Variants in STAB1 observed in about 807,000 individuals in gnomAD.
The protein encoded by STAB1 is stabilin-1.
A neutral mutation model predicts 332.4 loss-of-function variants in STAB1; 250 were observed. The observed-to-expected ratio is 0.75, with a 90% CI of 0.68 to 0.84. The LOEUF is 0.84. Among genes scored for constraint, STAB1 ranks in the 40% least tolerant of loss-of-function variants. The probability of loss-of-function intolerance (pLI) is 0.00; values close to 1 mark genes in which losing one functional copy is unlikely to be tolerated. For missense variants in STAB1, 3,249 were observed against 3,489.7 expected, an observed-to-expected ratio of 0.93 and a Z score of 1.74; for synonymous variants, 1,475 against 1,390.4, an observed-to-expected ratio of 1.06 and a Z score of -1.35.
intron 29 of STAB1, 37 bp downstream of exon 29, chr3:52,512,995 C>T: frequency 6.3e-7 from 1 of 1,598,442 alleles, no homozygotes; most frequent in Non-Finnish European, 8.5e-7. Flanking sequence ...GAGGGGCTTC[C>T]TTGAGGGACC....
chr3:52,500,663 AG>A (rs1458553163), intron 1 of STAB1, among the ~76,000 whole-genome samples: 2 of 152,228 alleles, frequency 1.3e-5, no homozygotes, highest in Non-Finnish European at 2.9e-5. Context: ...TGTCCTCCCA[AG>A]ACAGCATCAG....
At chr3:52,511,334 T>C (rs1377985664) in intron 25 of STAB1, among the ~76,000 whole-genome samples, 1 of 152,176 alleles carries the variant, frequency 6.6e-6, no homozygotes, top group Non-Finnish European at 1.5e-5. Flanking sequence ...GGCAGGTACC[T>C]ACACACTTGC....
intron 1 of STAB1, 65 bp downstream of exon 1, chr3:52,495,556 G>A (rs1159223985): frequency 5.6e-6 from 7 of 1,248,522 alleles, no homozygotes; most frequent in Non-Finnish European, 4.1e-6. Context: ...GTGGGAACAG[G>A]GAGGGACTGA....
chr3:52,523,136 T>G lies in STAB1; in HGVS notation c.7020+2T>G. On this transcript the variant is annotated splice_donor_variant, in intron 63 of 68. Transcript: ENST00000321725. LOFTEE classifies it high-confidence loss of function. ...GCCAACTTCTCCACCTTCTATGGGGTGTGTGGGGGCCACCCTTGGGGGCGG... is the reference window on the plus strand; with the variant it reads ...GCCAACTTCTCCACCTTCTATGGGGGGTGTGGGGGCCACCCTTGGGGGCGG... 1 of 1,600,760 alleles carries G rather than the reference T, an allele frequency of 6.2e-7. No individual in the cohort carries two copies.
chr3:52,519,225 C>A, intron 48 of STAB1, 39 bp from the exon 49 acceptor site: 2 of 1,595,242 alleles, frequency 1.3e-6, no homozygotes, highest in African/African-American at 1.3e-5. Context: ...TCCGAGCACC[C>A]CACCTATCTG....
rs1173207387 is a variant in STAB1 at position 52,506,040 on chromosome 3, T to G, written c.1749+104T>G. 8 of 1,524,586 alleles carry G rather than the reference T, an allele frequency of 5.2e-6. No individual in the cohort carries two copies. The Admixed American group carries it at 1.5e-4, about 28-fold the overall frequency. 94.4% of individuals were successfully genotyped at this position (1,524,586 alleles called of 1,614,324 possible). A position where few individuals can be genotyped will look rare whatever the true frequency, so the allele number is the denominator to read the frequency against. ...CATCTCTTCTCCATCTCCCTTCCCT[T>G]CTCATCTGTTCTGCTATAGCACAGA... On this transcript the variant is annotated intron_variant, in intron 16 of 68. Transcript: ENST00000321725.
Position 52,520,400 on chromosome 3 carries a change from G to A in STAB1, c.5500G>A (p.Gly1834Ser), listed in dbSNP as rs1485764387. 4 of 1,611,756 alleles carry A rather than the reference G, an allele frequency of 2.5e-6. No homozygotes were observed. Among genetic ancestry groups the A allele is most frequent in the Non-Finnish European group, 2.5e-6 (3 of 1,178,942 alleles). ...CATACCTCATATTCTCTCCTTGCAG[G>A]GTGAGCTCATGGTGGGTGAGGATGA... ...ISFSCSRTRA[G>S]ELMVGEDDAR... Residue 1834 changes from glycine (G) to serine (S), a missense_variant and splice_region_variant, in exon 53 of 69, where the codon GGT becomes AGT. Transcript: ENST00000321725.
chr3:52,523,229 TG>T lies in STAB1; in HGVS notation c.7031del (p.Gly2344AlafsTer37). On this transcript the variant is annotated frameshift_variant, in exon 64 of 69. Coordinates refer to ENST00000321725, the MANE Select transcript of STAB1 (RefSeq NM_015136.3). LOFTEE classifies it high-confidence loss of function. ...ANFSTFYGMLLGYANATQRGL... is the reference protein window; with the variant it reads ...ANFSTFYGMLXGYANATQRGL... ...GTCTTTCCACCGTGCCAGATGCTAT[TG>T]GGCTATGCCAATGCCACCCAGCGGG... 1 of 1,613,228 alleles carries T rather than the reference TG, an allele frequency of 6.2e-7. No homozygotes were observed. The highest frequency in any genetic ancestry group is 8.5e-7 in the Non-Finnish European group (1 of 1,179,998).
Position 52,519,376 on chromosome 3 carries a change from G to C in STAB1, c.5147G>C (p.Trp1716Ser), listed in dbSNP as rs754084968. The change falls in exon 49 of 69, where the codon TGG becomes TCG. Residue 1716 changes from tryptophan to serine, a missense_variant. By Grantham distance (177) the Trp-to-Ser change is radical. Transcript: ENST00000321725. ...CTGCTGCCCCCCGAGGCGCTGCACT[G>C]GGAGCCTGATGATGCTCCCATCCCG... The part of the protein sequence containing the change: ...RVLLPPEALH[W>S]EPDDAPIPRR... 3.1e-6 allele frequency: 5 copies of C among 1,612,966 alleles called. No homozygotes were observed. The highest frequency in any genetic ancestry group is 4.2e-6 in the Non-Finnish European group (5 of 1,180,000).
In STAB1 at chr3:52,506,203, A is replaced by G. The variant is rs1708849204; in HGVS notation, c.1783A>G (p.Ile595Val). Residue 595 changes from isoleucine (I) to valine (V), a missense_variant, in exon 17 of 69, where the codon ATC becomes GTC. Physicochemically the swap from Ile to Val is conservative, Grantham distance 29 (BLOSUM62 3). Coordinates refer to ENST00000321725, the MANE Select transcript of STAB1 (RefSeq NM_015136.3). ...TGAGAAGCTCATCTCCAAGGGTCGG[A>G]TCCTCACCATGGCGAACCAGGTCCT... ...TVEKLISKGR[I>V]LTMANQVLAV... 1 of 1,612,918 alleles carries G rather than the reference A, an allele frequency of 6.2e-7. No homozygotes were observed. The highest frequency in any genetic ancestry group is 8.5e-7 in the Non-Finnish European group (1 of 1,179,682).
Position 52,507,598 on chromosome 3 carries a change from C to A in STAB1, c.1990-15C>A. 1 of 1,612,462 alleles carries A rather than the reference C, an allele frequency of 6.2e-7. No homozygotes were observed. Among genetic ancestry groups the A allele is most frequent in the Non-Finnish European group, 8.5e-7 (1 of 1,179,218 alleles). On this transcript the variant is annotated splice_polypyrimidine_tract_variant and intron_variant, in intron 18 of 68. Coordinates refer to ENST00000321725, the MANE Select transcript of STAB1 (RefSeq NM_015136.3). ...TGACTAACCCCTCTCCCCATCCTGCCCCTGCCCTGCCCAGGGCTCCTGTGT... is the reference window on the plus strand; with the variant it reads ...TGACTAACCCCTCTCCCCATCCTGCACCTGCCCTGCCCAGGGCTCCTGTGT...
At chr3:52,499,386 G>A (rs369420375) in intron 1 of STAB1, among the ~76,000 whole-genome samples, 35 of 152,226 alleles carry the variant, frequency 2.3e-4, no homozygotes, top group Non-Finnish European at 3.7e-4. Context: ...TGCCCATGCC[G>A]TGGTGGCAGG....
rs367805091 is a variant in STAB1 at position 52,516,710 on chromosome 3, C to T, written c.4305C>T (p.Ala1435=). Residue 1435 remains alanine (A), a synonymous_variant, in exon 41 of 69, where the codon GCC becomes GCT. Transcript: ENST00000321725. Reference sequence around the variant, plus strand: ...CTCCCAGCTGCGTGCAGGACTCGGCCGGAGCCTCCACCTGCGCCTGTGCTG... The same window carrying T: ...CTCCCAGCTGCGTGCAGGACTCGGCTGGAGCCTCCACCTGCGCCTGTGCTG... ...DPNANCVQDS[A]GASTCACAAG... 42 of 1,612,060 alleles carry T rather than the reference C, an allele frequency of 2.6e-5. No homozygotes were observed. The African/African-American group carries it at 2.7e-4, about 10-fold the overall frequency.
At chr3:52,510,533 G>A (rs892654046) in intron 25 of STAB1, 26 bp downstream of exon 25, 13 of 1,604,312 alleles carry the variant, frequency 8.1e-6, no homozygotes, top group Non-Finnish European at 1.0e-5. Flanking sequence ...GAAGGGGTGG[G>A]GGCCTTGGTT....
chr3:52,512,796 T>A, intron 28 of STAB1, 32 bp from the exon 29 acceptor site: 1 of 1,604,584 alleles, frequency 6.2e-7, no homozygotes. Flanking sequence ...CCTTCCTCGC[T>A]CCTCCCGCCC....
Position 52,519,362 on chromosome 3 carries a change from C to T in STAB1, c.5133C>T (p.Pro1711=), listed in dbSNP as rs774581670. 4.3e-6 allele frequency: 7 copies of T among 1,613,118 alleles called. No homozygotes were observed. The highest frequency in any genetic ancestry group is 4.5e-5 in the East Asian group (2 of 44,880). Residue 1711 remains proline, a synonymous_variant, in exon 49 of 69, where the codon CCC becomes CCT. Transcript: ENST00000321725. ...TCATTGACCGTGTCCTGCTGCCCCC[C>T]GAGGCGCTGCACTGGGAGCCTGATG... The part of the protein sequence containing the change: ...LHFIDRVLLP[P]EALHWEPDDA...
rs759167418 is a variant in STAB1, at chr3:52,520,070, C to A, written c.5362C>A (p.Arg1788Ser). Residue 1788 changes from arginine to serine, a missense_variant, in exon 51 of 69, where the codon CGT becomes AGT. Arg to Ser is a moderately radical substitution (Grantham distance 110). Transcript: ENST00000321725. The stretch of plus-strand genomic sequence containing the variant: ...GGCCTGGCTGTACCATGAGGACCAC[C>A]GTGACAAGCTAGCAGCCATTCTGCG... ...RQAWLYHEDH[R>S]DKLAAILRGH... is the part of the protein sequence containing the mutation. The A allele has an allele frequency of 6.2e-7, 1 of 1,612,292 alleles. No individual in the cohort carries two copies. Among genetic ancestry groups the A allele is most frequent in the Non-Finnish European group, 8.5e-7 (1 of 1,179,662 alleles).
At chr3:52,508,454 C>A (rs1445406169) in intron 21 of STAB1, 95 bp downstream of exon 21, 9 of 1,168,492 alleles carry the variant, frequency 7.7e-6, no homozygotes, top group South Asian at 1.2e-5. Flanking sequence ...GCCAAGCCTG[C>A]CACTCTGGCC....
intron 4 of STAB1, 23 bp from the exon 5 acceptor site, chr3:52,502,136 T>C (rs781732531): frequency 2.4e-5 from 38 of 1,613,452 alleles, no homozygotes; most frequent in Non-Finnish European, 3.1e-5. Context: ...GGGGCCACGC[T>C]GACTTGGTGC....
Sources: allele counts gnomAD v4.1 joint callset (sites outside exome capture counted in the v4.1 genomes callset), GRCh38; gene constraint gnomAD v4.1.1; transcripts MANE v1.5; gene names NCBI Gene and HGNC (gene_info 2026-07-23, HGNC 2026-07-21).